Variants in SLC14A2 observed in about 807,000 individuals in gnomAD.
SLC14A2 encodes solute carrier family 14 member 2.
In SLC14A2, 91 loss-of-function variants were observed where a neutral mutation model predicts 104.6. That is an observed-to-expected ratio of 0.87 (90% CI 0.73 to 1.04). The LOEUF (loss-of-function observed/expected upper bound fraction) is 1.04. Among genes scored for constraint, SLC14A2 ranks in the 50% least tolerant of loss-of-function variants. The pLI is 0.00. For missense variants in SLC14A2, 1,189 were observed against 1,156.0 expected, an observed-to-expected ratio of 1.03 and a Z score of -0.41; for synonymous variants, 476 against 466.4, an observed-to-expected ratio of 1.02 and a Z score of -0.27.
chr18:45,214,738 T>C (rs1007744166), intron 1 of SLC14A2, among the ~76,000 whole-genome samples: 21 of 152,046 alleles, frequency 1.4e-4, no homozygotes, highest in Admixed American at 7.9e-4. Flanking sequence ...TTTCCAGTAT[T>C]ATGTTTATCC....
intron 1 of SLC14A2, among the ~76,000 whole-genome samples, chr18:45,263,774 G>A (rs2084563809): frequency 1.3e-5 from 2 of 152,122 alleles, no homozygotes; most frequent in South Asian, 4.1e-4. Context: ...CTTTTGATCT[G>A]CCCACATTCC....
chr18:45,680,556 G>T (rs1045434512), intron 19 of SLC14A2, among the ~76,000 whole-genome samples: 15 of 152,168 alleles, frequency 9.9e-5, no homozygotes, highest in African/African-American at 3.4e-4. Flanking sequence ...CCTCAGAAGA[G>T]CACATAGGAG....
intron 1 of SLC14A2, among the ~76,000 whole-genome samples, chr18:45,260,063 C>T (rs139810364): frequency 6.6e-6 from 1 of 152,170 alleles, no homozygotes; most frequent in Non-Finnish European, 1.5e-5. Flanking sequence ...AGTTCTAGCA[C>T]TAGAGAATTT....
chr18:45,661,861 A>G (rs7226515), intron 10 of SLC14A2, among the ~76,000 whole-genome samples: 120,914 of 152,146 alleles, frequency 0.79, 48,568 homozygotes, highest in Middle Eastern at 0.84. Flanking sequence ...CACTCCAGGT[A>G]TCTCTGAAAT....
At chr18:45,519,974 A>G (rs2043494569) in intron 2 of SLC14A2, among the ~76,000 whole-genome samples, 1 of 152,162 alleles carries the variant, frequency 6.6e-6, no homozygotes, top group Non-Finnish European at 1.5e-5. Flanking sequence ...GCATACATGG[A>G]TGGGAGCTAG....
At chr18:45,261,907 C>A (rs1389085892) in intron 1 of SLC14A2, among the ~76,000 whole-genome samples, 2 of 152,150 alleles carry the variant, frequency 1.3e-5, no homozygotes, top group South Asian at 2.1e-4. Flanking sequence ...ATTTATAATC[C>A]TTTGGGTATA....
chr18:45,217,377 T>G (rs2143982505), intron 1 of SLC14A2, among the ~76,000 whole-genome samples: 1 of 151,530 alleles, frequency 6.6e-6, no homozygotes, highest in East Asian at 1.9e-4. Flanking sequence ...ATATGCCAAG[T>G]TACAACATCT....
chr18:45,364,572 A>T (rs1022028493), intron 1 of SLC14A2, among the ~76,000 whole-genome samples: 1 of 152,248 alleles, frequency 6.6e-6, no homozygotes, highest in East Asian at 1.9e-4. Flanking sequence ...AAATGTATAT[A>T]TGAAATAGGA....
chr18:45,616,022 C>G (rs2045064846), intron 1 of SLC14A2, among the ~76,000 whole-genome samples: 1 of 152,136 alleles, frequency 6.6e-6, no homozygotes, highest in Admixed American at 6.5e-5. Context: ...GCATGTGGAA[C>G]TGAATTGGAG....
At chr18:45,520,153 G>A (rs981594359) in intron 2 of SLC14A2, among the ~76,000 whole-genome samples, 1 of 152,194 alleles carries the variant, frequency 6.6e-6, no homozygotes, top group Non-Finnish European at 1.5e-5. Flanking sequence ...CATATTCTTG[G>A]AATGAGTCAT....
chr18:45,333,351 GT>G (rs1383340684), intron 1 of SLC14A2, among the ~76,000 whole-genome samples: 1 of 152,148 alleles, frequency 6.6e-6, no homozygotes, highest in Non-Finnish European at 1.5e-5. Context: ...GAGTAAATCT[GT>G]AGGAGTTATT....
intron 2 of SLC14A2, among the ~76,000 whole-genome samples, chr18:45,507,011 G>C (rs2043297302): frequency 6.6e-6 from 1 of 152,196 alleles, no homozygotes; most frequent in African/African-American, 2.4e-5. Context: ...TGAGCTCCCT[G>C]TCTTCACTGT....
At chr18:45,226,658 G>T (rs1461221666) in intron 1 of SLC14A2, among the ~76,000 whole-genome samples, 2 of 134,674 alleles carry the variant, frequency 1.5e-5, no homozygotes, top group Non-Finnish European at 3.2e-5. Context: ...ATCACACAAC[G>T]GGGCCTGTTG....
At chr18:45,388,017 A>G (rs1598744429) in intron 1 of SLC14A2, among the ~76,000 whole-genome samples, 1 of 151,096 alleles carries the variant, frequency 6.6e-6, no homozygotes, top group African/African-American at 2.4e-5. Flanking sequence ...GGGAAGGCTC[A>G]AAGGAGGATG....
chr18:45,293,432 T>C (rs1022121305), intron 1 of SLC14A2, among the ~76,000 whole-genome samples: 7 of 152,122 alleles, frequency 4.6e-5, no homozygotes, highest in Admixed American at 6.6e-5. Flanking sequence ...TATTAAAATA[T>C]ATATATGCAA....
In SLC14A2 at chr18:45,287,014, C is replaced by T. The variant is rs534041976; in HGVS notation, c.-125+73823C>T. 5.9e-5 allele frequency among the ~76,000 whole-genome samples: 9 copies of T among 152,304 alleles called. No homozygotes were observed. In the East Asian group the frequency reaches 1.7e-3, roughly 29 times the overall value. On this transcript the variant is annotated intron_variant, in intron 1 of 20. Coordinates refer to the SLC14A2 transcript ENST00000586448. ...CACTCATTACCCAGTGGAAAATGGG[C>T]CAGCCTTGTTCATTAGAGCTCCCTT... is the stretch of plus-strand genomic sequence containing the variant.
rs773236879 is a variant in SLC14A2 at position 45,668,353 on chromosome 18, G to C, written c.1912G>C (p.Ala638Pro). Reference sequence around the variant, plus strand: ...TGACCCTCCCTCTCCTGCCAGGTCGGCCATCGCTGCAGGATTTCACGGCTA... The same window carrying C: ...TGACCCTCCCTCTCCTGCCAGGTCGCCCATCGCTGCAGGATTTCACGGCTA... ...TALILSQDKS[A>P]IAAGFHGYNG... Residue 638 changes from alanine (A) to proline (P), a missense_variant, in exon 15 of 20, where the codon GCC becomes CCC. Transcript: ENST00000255226. 6.2e-6 allele frequency: 10 copies of C among 1,614,002 alleles called. No homozygotes were observed. The highest frequency in any genetic ancestry group is 8.5e-6 in the Non-Finnish European group (10 of 1,179,978).
chr18:45,286,843 A>C (rs1206543083), intron 1 of SLC14A2, among the ~76,000 whole-genome samples: 1 of 152,222 alleles, frequency 6.6e-6, no homozygotes, highest in African/African-American at 2.4e-5. Flanking sequence ...CCAAGCATGC[A>C]TTATTCTAAG....
the SLC14A2 span, among the ~76,000 whole-genome samples, chr18:45,189,073 A>G: frequency 6.6e-6 from 1 of 152,190 alleles, no homozygotes; most frequent in Non-Finnish European, 1.5e-5. Flanking sequence ...TCTGGGCAAA[A>G]GCCAACCTAT....
Sources: gnomAD v4.1 joint callset for allele counts (sites outside exome capture counted in the v4.1 genomes callset) on GRCh38, gnomAD v4.1.1 for gene constraint, MANE v1.5 for transcripts, NCBI Gene and HGNC (gene_info 2026-07-23, HGNC 2026-07-21) for gene names.